PCSK2: variants seen among roughly 807,000 people sequenced by gnomAD.
PCSK2 encodes the protein proprotein convertase subtilisin/kexin type 2.
Under a neutral mutation model 69.7 loss-of-function variants are expected in PCSK2, and 14 were observed. That is an observed-to-expected ratio of 0.20 (90% CI 0.13 to 0.31). The LOEUF is 0.31. Ranked by LOEUF, PCSK2 falls within the 10% of genes least tolerant of loss-of-function variation. PCSK2 has a pLI of 1.00. For synonymous variants in PCSK2, 307 were observed against 320.7 expected (o/e 0.96, Z 0.46); for missense variants, 544 against 842.5 (o/e 0.65, Z 4.39).
intron 4 of PCSK2, among the ~76,000 whole-genome samples, chr20:17,362,688 T>C (rs2030440638): frequency 6.6e-6 from 1 of 152,204 alleles, no homozygotes; most frequent in South Asian, 2.1e-4. Flanking sequence ...AGGCTAGACC[T>C]GGAATGGGCA....
At chr20:17,343,145 A>C (rs1158853027) in intron 2 of PCSK2, among the ~76,000 whole-genome samples, 1 of 151,964 alleles carries the variant, frequency 6.6e-6, no homozygotes, top group African/African-American at 2.4e-5. Context: ...TTTATTCAGC[A>C]CTCTCTGTAT....
chr20:17,413,358 C>CA (rs531509129), intron 6 of PCSK2, among the ~76,000 whole-genome samples: 22 of 151,180 alleles, frequency 1.5e-4, no homozygotes, highest in South Asian at 2.1e-4. Flanking sequence ...AAATGGAAAA[C>CA]AAAAAAAACA....
At chr20:17,251,151 A>C (rs936815808) in intron 1 of PCSK2, among the ~76,000 whole-genome samples, 24 of 152,138 alleles carry the variant, frequency 1.6e-4, no homozygotes, top group Non-Finnish European at 2.6e-4. Flanking sequence ...TGCAATAAGA[A>C]ACAAAAGGTC....
At chr20:17,372,389 A>T (rs200993583) in intron 5 of PCSK2, among the ~76,000 whole-genome samples, 2 of 68,894 alleles carry the variant, frequency 2.9e-5, no homozygotes, top group East Asian at 5.8e-4. Flanking sequence ...GAAAAATAAT[A>T]AATAAATAAA....
chr20:17,360,904 C>A (rs2123214589), intron 4 of PCSK2, among the ~76,000 whole-genome samples: 1 of 152,240 alleles, frequency 6.6e-6, no homozygotes, highest in East Asian at 1.9e-4. Context: ...TATCACTCAA[C>A]CATAATTTCT....
chr20:17,339,597 C>T (rs751034156), intron 2 of PCSK2, among the ~76,000 whole-genome samples: 8 of 152,122 alleles, frequency 5.3e-5, no homozygotes, highest in Non-Finnish European at 1.2e-4. Flanking sequence ...AAATACAGAT[C>T]TCATGTTATT....
At chr20:17,368,819 T>A (rs2030675528) in intron 4 of PCSK2, among the ~76,000 whole-genome samples, 1 of 152,238 alleles carries the variant, frequency 6.6e-6, no homozygotes, top group African/African-American at 2.4e-5. Flanking sequence ...CCCAGCCATG[T>A]TCTCTTATTA....
At chr20:17,383,064 G>C (rs751519076) in intron 5 of PCSK2, among the ~76,000 whole-genome samples, 18 of 152,182 alleles carry the variant, frequency 1.2e-4, no homozygotes, top group Non-Finnish European at 2.2e-4. Flanking sequence ...ACGGGGATCT[G>C]ACCTGTCTTG....
At chr20:17,377,940 C>G (rs1396121470) in intron 5 of PCSK2, among the ~76,000 whole-genome samples, 1 of 152,142 alleles carries the variant, frequency 6.6e-6, no homozygotes, top group Admixed American at 6.5e-5. Flanking sequence ...TCTGGTCATT[C>G]TATTATTTTT....
rs920506038 is a variant in PCSK2, at chr20:17,391,820, A to G, written c.544-17443A>G. ...CAGGAGATCAAGGCTGCAGTGAGCTATGATTACACCACTGCACTCCAGCCT... is the reference window on the plus strand; with the variant it reads ...CAGGAGATCAAGGCTGCAGTGAGCTGTGATTACACCACTGCACTCCAGCCT... On this transcript the variant is annotated intron_variant, in intron 5 of 11. Coordinates refer to ENST00000262545, the MANE Select transcript of PCSK2 (RefSeq NM_002594.5). Among the ~76,000 whole-genome samples the G allele has an allele frequency of 2.0e-5, 3 of 152,060 alleles. No homozygotes were observed. In the East Asian group the frequency reaches 5.8e-4, roughly 29 times the overall value.
At chr20:17,433,847 T>G in intron 7 of PCSK2, among the ~76,000 whole-genome samples, 1 of 68,388 alleles carries the variant, frequency 1.5e-5, no homozygotes, top group Non-Finnish European at 2.6e-5. Context: ...CCTCCCCCCC[T>G]TCCTCCCTCT....
At chr20:17,365,446 A>G (rs1330183853) in intron 4 of PCSK2, among the ~76,000 whole-genome samples, 1 of 152,182 alleles carries the variant, frequency 6.6e-6, no homozygotes, top group African/African-American at 2.4e-5. Context: ...CCTGCCCGCA[A>G]GCACCACCCC....
At chr20:17,419,750 T>C (rs887391908) in intron 6 of PCSK2, among the ~76,000 whole-genome samples, 1 of 152,188 alleles carries the variant, frequency 6.6e-6, no homozygotes, top group Non-Finnish European at 1.5e-5. Context: ...TAGGTCAATG[T>C]TTGGTGATGC....
intron 4 of PCSK2, among the ~76,000 whole-genome samples, chr20:17,368,644 A>G (rs1357321635): frequency 6.6e-6 from 1 of 152,154 alleles, no homozygotes; most frequent in East Asian, 1.9e-4. Context: ...TGGAACGACT[A>G]CTGGGCAACA....
chr20:17,445,082 C>G (rs186442323), intron 8 of PCSK2, among the ~76,000 whole-genome samples: 38 of 152,270 alleles, frequency 2.5e-4, no homozygotes, highest in Admixed American at 5.9e-4. Flanking sequence ...CCTGAGACTT[C>G]GAGTCATCAC....
intron 8 of PCSK2, among the ~76,000 whole-genome samples, chr20:17,439,413 C>T (rs1213045903): frequency 6.6e-6 from 1 of 152,150 alleles, no homozygotes; most frequent in Non-Finnish European, 1.5e-5. Context: ...TGCACCACTG[C>T]ACCCGGCCTC....
At chr20:17,262,962 G>C (rs1987448058) in intron 2 of PCSK2, among the ~76,000 whole-genome samples, 1 of 152,082 alleles carries the variant, frequency 6.6e-6, no homozygotes, top group African/African-American at 2.4e-5. Context: ...TCTCCTTCCT[G>C]TCCCTGCACC....
intron 2 of PCSK2, among the ~76,000 whole-genome samples, chr20:17,264,648 C>T (rs1427835340): frequency 6.6e-6 from 1 of 152,184 alleles, no homozygotes; most frequent in Non-Finnish European, 1.5e-5. Flanking sequence ...AATATAATCA[C>T]TTCAGAAATC....
rs745889800 is a variant in PCSK2, at chr20:17,449,868, CCTGT to C, written c.886-3871_886-3868del. On this transcript the variant is annotated intron_variant, in intron 8 of 11. Coordinates refer to ENST00000262545, the MANE Select transcript of PCSK2 (RefSeq NM_002594.5). ...TAGGGAAAATTGACATCTCTGTGAT[CCTGT>C]CTTTCTATTCGAGAATATGGCCAAT... is the stretch of plus-strand genomic sequence containing the variant. Among the ~76,000 whole-genome samples, 3 of 151,856 alleles carry C rather than the reference CCTGT, an allele frequency of 2.0e-5. No individual in the cohort carries two copies. In the East Asian group the frequency reaches 5.8e-4, roughly 30 times the overall value.
Sources: allele counts gnomAD v4.1 joint callset (sites outside exome capture counted in the v4.1 genomes callset), GRCh38; gene constraint gnomAD v4.1.1; transcripts MANE v1.5; gene names NCBI Gene and HGNC (gene_info 2026-07-23, HGNC 2026-07-21).